NYAP2: variants seen among roughly 807,000 people sequenced by gnomAD.
NYAP2 encodes the protein neuronal tyrosine-phosphorylated phosphoinositide-3-kinase adaptor 2, also known as neuronal tyrosine-phosphorylated phosphoinositide-3-kinase adapter 2.
NYAP2 carries 23 observed loss-of-function variants against 50.4 expected under a neutral mutation model. That is an observed-to-expected ratio of 0.46 (90% CI 0.33 to 0.65). The LOEUF is 0.65. NYAP2 is among the 30% of genes least tolerant of loss of function. The pLI is 0.02. For synonymous variants in NYAP2, 394 were observed against 365.2 expected (o/e 1.08, Z -0.90); for missense variants, 885 against 861.0 (o/e 1.03, Z -0.35).
At chr2:225,546,615 A>G (rs762709298) in intron 4 of NYAP2, among the ~76,000 whole-genome samples, 32 of 152,116 alleles carry the variant, frequency 2.1e-4, no homozygotes, top group Non-Finnish European at 3.7e-4. Flanking sequence ...GGGTAAGTCC[A>G]GAAATGCCAT....
intron 6 of NYAP2, among the ~76,000 whole-genome samples, chr2:225,645,059 A>G (rs530445710): frequency 5.3e-4 from 80 of 152,282 alleles, no homozygotes; most frequent in African/African-American, 1.9e-3. Context: ...CAGGGGTTCG[A>G]GACCAGCTTG....
At chr2:225,673,002 C>T in the NYAP2 span, among the ~76,000 whole-genome samples, 1 of 151,606 alleles carries the variant, frequency 6.6e-6, no homozygotes, top group African/African-American at 2.4e-5. Context: ...AAAAACATAC[C>T]TGAGACTGGG....
intron 4 of NYAP2, 106 bp from the exon 5 acceptor site, chr2:225,581,835 T>TAAAGAGG: frequency 9.4e-7 from 1 of 1,060,696 alleles, no homozygotes; most frequent in Admixed American, 2.3e-5. Flanking sequence ...AATGAAGCTG[T>TAAAGAGG]CTACCCCTCT....
intron 3 of NYAP2, among the ~76,000 whole-genome samples, chr2:225,446,520 A>G (rs1689568278): frequency 6.6e-6 from 1 of 151,996 alleles, no homozygotes; most frequent in Non-Finnish European, 1.5e-5. Context: ...GTTGCATGAA[A>G]GTTATATAGA....
chr2:225,555,544 A>T (rs911902204), intron 4 of NYAP2, among the ~76,000 whole-genome samples: 1 of 152,142 alleles, frequency 6.6e-6, no homozygotes, highest in African/African-American at 2.4e-5. Flanking sequence ...ATTTTTAGGG[A>T]TCACCAGTAC....
intron 6 of NYAP2, among the ~76,000 whole-genome samples, chr2:225,644,555 T>C (rs1329279141): frequency 1.3e-5 from 2 of 151,298 alleles, no homozygotes; most frequent in African/African-American, 2.4e-5. Flanking sequence ...GGTTTTCTTC[T>C]AGGATTTTTA....
At chr2:225,526,644 C>T (rs1489856462) in intron 4 of NYAP2, among the ~76,000 whole-genome samples, 2 of 152,200 alleles carry the variant, frequency 1.3e-5, no homozygotes, top group Non-Finnish European at 2.9e-5. Context: ...ATGGCTGCAA[C>T]TTGCCTTGTT....
At chr2:225,573,726 G>T (rs776212118) in intron 4 of NYAP2, among the ~76,000 whole-genome samples, 19 of 152,248 alleles carry the variant, frequency 1.2e-4, no homozygotes, top group Non-Finnish European at 2.4e-4. Context: ...TCTCCTCTGT[G>T]TGGCCTCTTC....
At chr2:225,565,781 C>A (rs983388861) in intron 4 of NYAP2, among the ~76,000 whole-genome samples, 2 of 152,120 alleles carry the variant, frequency 1.3e-5, no homozygotes, top group African/African-American at 4.8e-5. Flanking sequence ...AACAGTTGAG[C>A]TCAACAAGGC....
At chr2:225,453,762 A>G (rs1159525091) in intron 3 of NYAP2, among the ~76,000 whole-genome samples, 1 of 151,382 alleles carries the variant, frequency 6.6e-6, no homozygotes, top group Admixed American at 6.6e-5. Flanking sequence ...CTGCCTCCCA[A>G]ATTTGAGCAA....
At chr2:225,597,710 C>A (rs1692630279) in intron 5 of NYAP2, among the ~76,000 whole-genome samples, 1 of 150,594 alleles carries the variant, frequency 6.6e-6, no homozygotes, top group African/African-American at 2.4e-5. Flanking sequence ...AACAGCCGTT[C>A]TTTTAGGAAA....
intron 4 of NYAP2, among the ~76,000 whole-genome samples, chr2:225,567,006 C>T (rs2106219341): frequency 6.6e-6 from 1 of 152,088 alleles, no homozygotes; most frequent in African/African-American, 2.4e-5. Flanking sequence ...TGTCATTAGG[C>T]AATTTCGTTG....
At chr2:225,635,218 C>T (rs1276137153) in intron 6 of NYAP2, among the ~76,000 whole-genome samples, 1 of 152,204 alleles carries the variant, frequency 6.6e-6, no homozygotes, top group East Asian at 1.9e-4. Context: ...CAGAACAGTA[C>T]TCATGACGGT....
chr2:225,564,661 A>G (rs1691931532), intron 4 of NYAP2, among the ~76,000 whole-genome samples: 1 of 151,296 alleles, frequency 6.6e-6, no homozygotes, highest in Non-Finnish European at 1.5e-5. Flanking sequence ...CACCTGCAAT[A>G]TCTGAAGGTG....
chr2:225,701,717 C>T, the NYAP2 span: 9 of 151,482 alleles, frequency 5.9e-5, no homozygotes, highest in South Asian at 2.1e-4. Context: ...ACAAAACGTC[C>T]GGAGATTTAA....
At chr2:225,621,869 C>A (rs1360289593) in intron 5 of NYAP2, among the ~76,000 whole-genome samples, 1 of 151,970 alleles carries the variant, frequency 6.6e-6, no homozygotes, top group Non-Finnish European at 1.5e-5. Flanking sequence ...CTAGCATGTG[C>A]CAGAGTTCCT....
intron 5 of NYAP2, among the ~76,000 whole-genome samples, chr2:225,600,472 T>G (rs1692674420): frequency 6.6e-6 from 1 of 152,164 alleles, no homozygotes; most frequent in African/African-American, 2.4e-5. Flanking sequence ...AAAGGGGGTT[T>G]GTTTTGGAAA....
chr2:225,517,725 G>T (rs1310879925), intron 4 of NYAP2, among the ~76,000 whole-genome samples: 1 of 151,984 alleles, frequency 6.6e-6, no homozygotes, highest in East Asian at 1.9e-4. Context: ...ATGAAATTTT[G>T]GTCTGGTATA....
intron 6 of NYAP2, among the ~76,000 whole-genome samples, chr2:225,640,268 G>GC (rs1436522083): frequency 6.6e-6 from 1 of 152,152 alleles, no homozygotes; most frequent in East Asian, 1.9e-4. Flanking sequence ...ATTGAGAGGT[G>GC]TTTTTCACTG....
Sources: gnomAD v4.1 joint callset for allele counts (sites outside exome capture counted in the v4.1 genomes callset) on GRCh38, gnomAD v4.1.1 for gene constraint, MANE v1.5 for transcripts, NCBI Gene and HGNC (gene_info 2026-07-23, HGNC 2026-07-21) for gene names.